The following PRTFDC1 variants were observed in gnomAD, a reference collection of about 807,000 sequenced individuals.
PRTFDC1 encodes phosphoribosyltransferase domain-containing protein 1.
Under a neutral mutation model 34.6 loss-of-function variants are expected in PRTFDC1, and 38 were observed. That is an observed-to-expected ratio of 1.10 (90% CI 0.85 to 1.44). The LOEUF is 1.44. PRTFDC1 is among the 40% of genes most tolerant of loss of function. The probability of loss-of-function intolerance (pLI) is 0.00; values close to 1 mark genes in which losing one functional copy is unlikely to be tolerated. For synonymous variants in PRTFDC1, 93 were observed against 98.1 expected, an observed-to-expected ratio of 0.95 and a Z score of 0.31; for missense variants, 270 against 283.0, an observed-to-expected ratio of 0.95 and a Z score of 0.33.
Position 24,875,905 on chromosome 10 carries a change from G to A in PRTFDC1, c.340-3842C>T, listed in dbSNP as rs369740567. ...GGGTCTTGTTCTGTCATCCAGGCTG[G>A]AGCGCAGTGATGTAATCATAGCTCA... On this transcript the variant is annotated intron_variant, in intron 3 of 8. Coordinates refer to ENST00000320152, the MANE Select transcript of PRTFDC1 (RefSeq NM_020200.7). Among the ~76,000 whole-genome samples the A allele has an allele frequency of 6.2e-5, 9 of 146,304 alleles. No individual in the cohort carries two copies. In the East Asian group the frequency reaches 1.2e-3, roughly 20 times the overall value.
chr10:24,942,294 T>G, intron 2 of PRTFDC1, 36 bp downstream of exon 2: 1 of 1,533,966 alleles, frequency 6.5e-7, no homozygotes, highest in Non-Finnish European at 9.0e-7. Context: ...GCCGGCCCAG[T>G]GCAGGACCAA....
intron 3 of PRTFDC1, among the ~76,000 whole-genome samples, chr10:24,928,479 T>A (rs1848914638): frequency 1.3e-5 from 2 of 152,162 alleles, no homozygotes; most frequent in African/African-American, 4.8e-5. Flanking sequence ...AGTCTCGCTC[T>A]GTTGCCCAGG....
intron 3 of PRTFDC1, among the ~76,000 whole-genome samples, chr10:24,872,554 T>C (rs1259542469): frequency 6.6e-6 from 1 of 151,984 alleles, no homozygotes; most frequent in Non-Finnish European, 1.5e-5. Context: ...GCCCCTCATC[T>C]GACATCCAGG....
chr10:24,947,462 T>C (rs527357812), intron 1 of PRTFDC1, among the ~76,000 whole-genome samples: 14 of 152,254 alleles, frequency 9.2e-5, no homozygotes, highest in African/African-American at 3.4e-4. Context: ...TCTAAGTGTA[T>C]TCAGTACAAT....
intron 3 of PRTFDC1, among the ~76,000 whole-genome samples, chr10:24,929,877 G>A (rs12256206): frequency 0.18 from 26,894 of 151,994 alleles, 3,420 homozygotes; most frequent in African/African-American, 0.36. Flanking sequence ...TATCCCAAAA[G>A]GCCTCCCACT....
intron 4 of PRTFDC1, among the ~76,000 whole-genome samples, chr10:24,863,360 A>AT (rs1452400795): frequency 6.6e-6 from 1 of 152,228 alleles, no homozygotes; most frequent in Non-Finnish European, 1.5e-5. Flanking sequence ...TGCTTACAGC[A>AT]TGGTTTATTG....
At chr10:24,889,471 C>T (rs1160251874) in intron 3 of PRTFDC1, among the ~76,000 whole-genome samples, 1 of 152,140 alleles carries the variant, frequency 6.6e-6, no homozygotes, top group Non-Finnish European at 1.5e-5. Context: ...CAACAAATTA[C>T]TGATATATGC....
chr10:24,926,569 G>A (rs763091559), intron 3 of PRTFDC1, among the ~76,000 whole-genome samples: 5 of 152,154 alleles, frequency 3.3e-5, no homozygotes, highest in African/African-American at 4.8e-5. Flanking sequence ...GGCTGGTCTC[G>A]AACTCCGGAG....
intron 3 of PRTFDC1, among the ~76,000 whole-genome samples, chr10:24,904,957 T>G (rs150762181): frequency 9.4e-4 from 143 of 152,322 alleles, no homozygotes; most frequent in African/African-American, 3.4e-3. Flanking sequence ...CTTCCTAATG[T>G]CCTGCTGGAA....
At chr10:24,932,973 G>C (rs1174775742) in intron 3 of PRTFDC1, among the ~76,000 whole-genome samples, 4 of 151,900 alleles carry the variant, frequency 2.6e-5, no homozygotes, top group African/African-American at 9.7e-5. Flanking sequence ...AAAGTAAGCT[G>C]ATTTTCAGTG....
intron 3 of PRTFDC1, among the ~76,000 whole-genome samples, chr10:24,877,243 C>T (rs1244549157): frequency 6.6e-6 from 1 of 152,018 alleles, no homozygotes; most frequent in Admixed American, 6.6e-5. Flanking sequence ...CTATTTTGGT[C>T]AAGCTGGTCT....
intron 3 of PRTFDC1, among the ~76,000 whole-genome samples, chr10:24,909,704 C>G (rs986739595): frequency 1.3e-5 from 2 of 152,200 alleles, no homozygotes; most frequent in African/African-American, 4.8e-5. Context: ...ATTTTACCCT[C>G]TACATTGAGA....
intron 3 of PRTFDC1, among the ~76,000 whole-genome samples, chr10:24,936,085 C>T (rs1293978650): frequency 6.6e-6 from 1 of 152,132 alleles, no homozygotes; most frequent in Non-Finnish European, 1.5e-5. Flanking sequence ...TGCCACACAG[C>T]AATAGAAGGC....
chr10:24,855,219 A>G (rs998261237), intron 7 of PRTFDC1, 99 bp downstream of exon 7: 12 of 1,206,532 alleles, frequency 9.9e-6, no homozygotes, highest in Non-Finnish European at 1.4e-5. Flanking sequence ...TCCACATGCA[A>G]TGCTGTCAAA....
intron 3 of PRTFDC1, among the ~76,000 whole-genome samples, chr10:24,907,122 G>T (rs1848549082): frequency 6.6e-6 from 1 of 152,162 alleles, no homozygotes; most frequent in Non-Finnish European, 1.5e-5. Flanking sequence ...TGTGGCTAGA[G>T]ATTCGCTTGA....
chr10:24,938,121 G>A (rs1246736757), intron 2 of PRTFDC1, among the ~76,000 whole-genome samples: 3 of 151,784 alleles, frequency 2.0e-5, no homozygotes, highest in African/African-American at 4.8e-5. Flanking sequence ...AGCTACTCGG[G>A]AAGCTGAGGC....
intron 3 of PRTFDC1, among the ~76,000 whole-genome samples, chr10:24,929,068 G>C (rs111754300): frequency 8.9e-6 from 1 of 111,896 alleles, no homozygotes; most frequent in Non-Finnish European, 1.8e-5. Context: ...AAGAAAGAAA[G>C]AAAGAAAGGG....
At chr10:24,888,799 T>C (rs981044321) in intron 3 of PRTFDC1, among the ~76,000 whole-genome samples, 4 of 152,164 alleles carry the variant, frequency 2.6e-5, no homozygotes, top group African/African-American at 9.7e-5. Context: ...ACATCAATAA[T>C]GTGGTGGTAT....
intron 1 of PRTFDC1, among the ~76,000 whole-genome samples, chr10:24,947,388 C>G (rs1415394913): frequency 6.6e-6 from 1 of 152,118 alleles, no homozygotes; most frequent in African/African-American, 2.4e-5. Context: ...AACTGTTATT[C>G]ACTTGCTTTT....
Sources: gnomAD v4.1 joint callset for allele counts (sites outside exome capture counted in the v4.1 genomes callset) on GRCh38, gnomAD v4.1.1 for gene constraint, MANE v1.5 for transcripts, NCBI Gene and HGNC (gene_info 2026-07-23, HGNC 2026-07-21) for gene names.